AOPEP: variants seen among roughly 807,000 people sequenced by gnomAD.
The protein encoded by AOPEP is aminopeptidase O.
AOPEP carries 77 observed loss-of-function variants against 98.1 expected under a neutral mutation model. The ratio of observed to expected loss-of-function variants is 0.78; its 90% confidence interval spans 0.65 to 0.95. AOPEP has a LOEUF of 0.95. Among genes scored for constraint, AOPEP ranks in the 40% least tolerant of loss-of-function variants. AOPEP has a pLI of 0.00. For synonymous variants in AOPEP, 346 were observed against 365.3 expected (o/e 0.95, Z 0.60); for missense variants, 1,024 against 1,024.7 (o/e 1.00, Z 0.01).
intron 14 of AOPEP, among the ~76,000 whole-genome samples, chr9:95,073,760 G>A (rs1398453088): frequency 6.6e-6 from 1 of 152,184 alleles, no homozygotes; most frequent in Non-Finnish European, 1.5e-5. Context: ...TTGGGAGGCT[G>A]AGGCAGGAGA....
At chr9:94,730,327 TTCTG>T (rs1830237094) in intron 1 of AOPEP, among the ~76,000 whole-genome samples, 1 of 151,584 alleles carries the variant, frequency 6.6e-6, no homozygotes, top group Admixed American at 6.6e-5. Context: ...ATTGGTCTTC[TTCTG>T]TCTAGTATAA....
intron 3 of AOPEP, among the ~76,000 whole-genome samples, chr9:94,784,452 C>T (rs927874326): frequency 1.3e-5 from 2 of 152,130 alleles, no homozygotes; most frequent in African/African-American, 4.8e-5. Flanking sequence ...CCTTCATGTT[C>T]TTCCTTTTTC....
At chr9:95,148,631 A>G in the AOPEP span, among the ~76,000 whole-genome samples, 1 of 152,254 alleles carries the variant, frequency 6.6e-6, no homozygotes, top group African/African-American at 2.4e-5. Context: ...TTGATACTGC[A>G]TATGAAATAT....
At chr9:94,753,784 C>T (rs189861523) in intron 1 of AOPEP, among the ~76,000 whole-genome samples, 1 of 152,244 alleles carries the variant, frequency 6.6e-6, no homozygotes, top group East Asian at 1.9e-4. Context: ...CGGGAAAAAG[C>T]AAACCAAAAG....
intron 13 of AOPEP, among the ~76,000 whole-genome samples, chr9:95,015,884 T>C (rs2062939604): frequency 6.6e-6 from 1 of 152,198 alleles, no homozygotes; most frequent in South Asian, 2.1e-4. Flanking sequence ...CTATTTTTAG[T>C]AGAGACAGGG....
intron 13 of AOPEP, among the ~76,000 whole-genome samples, chr9:95,056,058 C>T (rs1027924501): frequency 3.3e-5 from 5 of 152,176 alleles, no homozygotes; most frequent in Non-Finnish European, 7.3e-5. Context: ...GAGGCCGTGG[C>T]TGTAAATTGA....
intron 14 of AOPEP, among the ~76,000 whole-genome samples, chr9:95,079,273 G>A (rs937678037): frequency 1.3e-5 from 2 of 152,370 alleles, no homozygotes; most frequent in Admixed American, 1.3e-4. Flanking sequence ...GATTAAAGGA[G>A]AGATCTGGCT....
intron 13 of AOPEP, among the ~76,000 whole-genome samples, chr9:95,060,213 T>G (rs1357523107): frequency 6.6e-6 from 1 of 152,226 alleles, no homozygotes; most frequent in Non-Finnish European, 1.5e-5. Context: ...CAGTATGTGC[T>G]CTTTATTTCT....
chr9:94,891,464 GTTATTC>G (rs1010742747), intron 5 of AOPEP, among the ~76,000 whole-genome samples: 130 of 152,044 alleles, frequency 8.6e-4, no homozygotes, highest in Non-Finnish European at 9.4e-4. Flanking sequence ...TGCTTGTTTT[GTTATTC>G]TTCTGTTTCT....
At position 94,943,934 on chromosome 9, in the gene AOPEP, A is replaced by ACAAAAAAC. The variant is rs767450485; in HGVS notation, c.1662-11243_1662-11242insCAAAAAAC. On this transcript the variant is annotated intron_variant, in intron 7 of 16. Coordinates refer to ENST00000375315, the MANE Select transcript of AOPEP (RefSeq NM_001193329.3). ...GACTCCATCTCAAAAAAAAAAAAAA[A>ACAAAAAAC]AAAAAAAAAAAAACAGGTCAATCTA... Among the ~76,000 whole-genome samples, 4 of 150,142 alleles carry ACAAAAAAC rather than the reference A, an allele frequency of 2.7e-5. No individual in the cohort carries two copies. In the South Asian group the frequency reaches 6.3e-4, roughly 24 times the overall value.
intron 16 of AOPEP, chr9:95,085,465 A>C: frequency 1.9e-6 from 1 of 533,342 alleles, no homozygotes; most frequent in Non-Finnish European, 3.9e-6. Flanking sequence ...CAAGGTGCAG[A>C]GCTTAGCTGA....
chr9:94,846,095 TAAA>T (rs35421127), intron 5 of AOPEP, among the ~76,000 whole-genome samples: 1 of 144,662 alleles, frequency 6.9e-6, no homozygotes, highest in Non-Finnish European at 1.5e-5. Context: ...GACTCCATCT[TAAA>T]AAAAAAAAAA....
intron 13 of AOPEP, among the ~76,000 whole-genome samples, chr9:95,060,373 G>T (rs1385542670): frequency 6.6e-6 from 1 of 152,206 alleles, no homozygotes; most frequent in African/African-American, 2.4e-5. Context: ...GTGTATGCGT[G>T]CTGTAAAGGA....
intron 5 of AOPEP, among the ~76,000 whole-genome samples, chr9:94,922,188 G>C (rs2053718141): frequency 6.6e-6 from 1 of 152,176 alleles, no homozygotes; most frequent in Admixed American, 6.5e-5. Context: ...GCATAAATGG[G>C]CCCTGGTGAG....
chr9:95,004,553 T>C (rs1270361419), intron 11 of AOPEP, among the ~76,000 whole-genome samples: 1 of 152,078 alleles, frequency 6.6e-6, no homozygotes, highest in Non-Finnish European at 1.5e-5. Context: ...TTACTTTCCC[T>C]GCGCGAAAGC....
At chr9:95,021,010 C>T (rs1045577496) in intron 13 of AOPEP, among the ~76,000 whole-genome samples, 4 of 150,236 alleles carry the variant, frequency 2.7e-5, no homozygotes, top group Non-Finnish European at 4.4e-5. Flanking sequence ...ATGACCTTTT[C>T]ACCAGTCTGT....
intron 5 of AOPEP, chr9:94,824,532 G>A (rs995131794): frequency 9.2e-5 from 14 of 152,220 alleles, no homozygotes; most frequent in African/African-American, 3.4e-4. Flanking sequence ...AGGATCTTGA[G>A]TACAGAACAT....
the AOPEP span, among the ~76,000 whole-genome samples, chr9:95,098,655 A>G: frequency 2.6e-5 from 4 of 152,098 alleles, no homozygotes; most frequent in African/African-American, 9.7e-5. Context: ...GGGCTGGAGG[A>G]GGGGACAGCA....
intron 5 of AOPEP, among the ~76,000 whole-genome samples, chr9:94,902,959 C>T (rs1187666910): frequency 1.4e-5 from 2 of 146,192 alleles, no homozygotes. Flanking sequence ...GAGACTGAGG[C>T]AGGAGAATCT....
Sources: allele counts gnomAD v4.1 joint callset (sites outside exome capture counted in the v4.1 genomes callset), GRCh38; gene constraint gnomAD v4.1.1; transcripts MANE v1.5; gene names NCBI Gene and HGNC (gene_info 2026-07-23, HGNC 2026-07-21).